Variants in SP100 observed in about 807,000 individuals in gnomAD.
The protein encoded by SP100 is SP100 nuclear body protein.
Under a neutral mutation model 130.0 loss-of-function variants are expected in SP100, and 84 were observed. The ratio of observed to expected loss-of-function variants is 0.65; its 90% CI spans 0.54 to 0.77. The LOEUF is 0.77. Among genes scored for constraint, SP100 ranks in the 30% least tolerant of loss-of-function variants. The pLI is 0.00. For synonymous variants in SP100, 331 were observed against 351.7 expected (o/e 0.94, Z 0.66); for missense variants, 978 against 1,052.2 (o/e 0.93, Z 0.97).
rs143422719 is a variant in SP100, at chr2:230,463,927, A to G, written c.1058-140A>G. On this transcript the variant is annotated intron_variant, in intron 10 of 28. Coordinates refer to ENST00000340126, the MANE Select transcript of SP100 (RefSeq NM_001080391.2). ...CACAATGAAGGTTAGTTGAAAGGCA[A>G]GACAAGCATGGCCTGTGTACAGGCG... 1.6e-3 allele frequency: 927 copies of G among 577,346 alleles called. 11 individuals are homozygous for G. The highest frequency in any genetic ancestry group is 0.015 in the African/African-American group (798 of 52,742). 35.8% of individuals were successfully genotyped at this position (577,346 alleles called of 1,614,324 possible).
chr2:230,527,001 T>A (rs2150103564), intron 24 of SP100, among the ~76,000 whole-genome samples: 1 of 152,248 alleles, frequency 6.6e-6, no homozygotes, highest in Non-Finnish European at 1.5e-5. Flanking sequence ...AAAACACTCT[T>A]CAGGATATTA....
chr2:230,452,729 TTTA>T (rs774781155), intron 8 of SP100, among the ~76,000 whole-genome samples: 21 of 152,216 alleles, frequency 1.4e-4, no homozygotes, highest in Admixed American at 3.9e-4. Context: ...TTTCAGAGAG[TTTA>T]TTGTTAGTGC....
chr2:230,508,164 C>T, intron 23 of SP100, 133 bp downstream of exon 23: 1 of 1,450,828 alleles, frequency 6.9e-7, no homozygotes, highest in Non-Finnish European at 9.2e-7. Flanking sequence ...TTTGCAGTTG[C>T]TGCTTTCAAA....
intron 23 of SP100, chr2:230,508,302 A>C (rs1690277236): frequency 8.7e-6 from 3 of 345,888 alleles, no homozygotes; most frequent in Non-Finnish European, 1.5e-5. Context: ...AAAGGAGCTA[A>C]ATGCCATACT....
At chr2:230,541,177 T>G in intron 26 of SP100, 124 bp from the exon 27 acceptor site, 5 of 1,210,760 alleles carry the variant, frequency 4.1e-6, no homozygotes, top group Non-Finnish European at 5.9e-6. Context: ...CCAAAGAAAC[T>G]CCCCATGCCA....
chr2:230,492,690 C>T (rs2066453008), intron 17 of SP100, among the ~76,000 whole-genome samples: 1 of 152,168 alleles, frequency 6.6e-6, no homozygotes, highest in Non-Finnish European at 1.5e-5. Flanking sequence ...CTACTGCTCA[C>T]TTTTATTTTT....
At chr2:230,497,433 G>A (rs1303148109) in intron 18 of SP100, among the ~76,000 whole-genome samples, 1 of 138,898 alleles carries the variant, frequency 7.2e-6, no homozygotes, top group Non-Finnish European at 1.6e-5. Context: ...GGGAAGGAGG[G>A]AAGGATGAAG....
intron 2 of SP100, among the ~76,000 whole-genome samples, chr2:230,419,422 C>T (rs1007021277): frequency 6.6e-6 from 1 of 152,124 alleles, no homozygotes; most frequent in Non-Finnish European, 1.5e-5. Context: ...GTGATCAGAT[C>T]GACTGTCCTG....
At chr2:230,505,165 G>A (rs1468766890) in intron 21 of SP100, among the ~76,000 whole-genome samples, 1 of 151,990 alleles carries the variant, frequency 6.6e-6, no homozygotes, top group East Asian at 1.9e-4. Flanking sequence ...AAAGTCTCAG[G>A]CCCACTCTGT....
At chr2:230,508,745 G>A (rs534121145) in intron 23 of SP100, 8 of 152,142 alleles carry the variant, frequency 5.3e-5, no homozygotes, top group African/African-American at 1.9e-4. Context: ...GGTTTTTCTG[G>A]ATTCTATATT....
intron 19 of SP100, among the ~76,000 whole-genome samples, chr2:230,501,583 GGAAACAT>G (rs2067026687): frequency 6.6e-6 from 1 of 152,170 alleles, no homozygotes; most frequent in Admixed American, 6.5e-5. Context: ...CTAGATTGAA[GGAAACAT>G]GCCTTTCCAG....
chr2:230,502,737 G>A (rs571906823), intron 19 of SP100, among the ~76,000 whole-genome samples: 3 of 152,132 alleles, frequency 2.0e-5, no homozygotes, highest in Non-Finnish European at 2.9e-5. Context: ...GGCTGTAACC[G>A]AGTCTAGATC....
chr2:230,469,155 A>G (rs533862856), intron 14 of SP100, 59 bp downstream of exon 14: 7 of 1,066,762 alleles, frequency 6.6e-6, no homozygotes, highest in African/African-American at 1.6e-5. Context: ...CAAAAGCTAC[A>G]TTCACTTTTT....
intron 24 of SP100, among the ~76,000 whole-genome samples, chr2:230,513,046 G>A (rs1011507561): frequency 6.6e-6 from 1 of 152,238 alleles, no homozygotes. Flanking sequence ...TGTAAATACA[G>A]ATGAAGTTTC....
chr2:230,539,470 T>C, intron 25 of SP100, 88 bp downstream of exon 25: 3 of 844,762 alleles, frequency 3.6e-6, no homozygotes, highest in Non-Finnish European at 6.0e-6. Context: ...AGAGTTTCTG[T>C]ACCTGGTTAT....
intron 18 of SP100, among the ~76,000 whole-genome samples, chr2:230,496,582 T>G (rs1248955436): frequency 2.0e-5 from 3 of 152,174 alleles, no homozygotes; most frequent in African/African-American, 7.2e-5. Context: ...TAGCAAAAAC[T>G]GCAATTACTT....
At chr2:230,496,658 T>A (rs2066682642) in intron 18 of SP100, among the ~76,000 whole-genome samples, 1 of 152,222 alleles carries the variant, frequency 6.6e-6, no homozygotes, top group Non-Finnish European at 1.5e-5. Context: ...TATTCATTTG[T>A]GAGTTCTTCA....
At chr2:230,502,826 G>A (rs186115625) in intron 19 of SP100, among the ~76,000 whole-genome samples, 7 of 152,244 alleles carry the variant, frequency 4.6e-5, no homozygotes, top group East Asian at 3.9e-4. Flanking sequence ...CACAGTCACC[G>A]TCGCATCCTT....
chr2:230,425,647 T>G (rs1476258967), intron 2 of SP100, among the ~76,000 whole-genome samples: 1 of 152,180 alleles, frequency 6.6e-6, no homozygotes, highest in Admixed American at 6.5e-5. Context: ...ACTGTTGAAT[T>G]TGGTTTGGTT....
Sources: allele counts gnomAD v4.1 joint callset (sites outside exome capture counted in the v4.1 genomes callset), GRCh38; gene constraint gnomAD v4.1.1; transcripts MANE v1.5; gene names NCBI Gene and HGNC (gene_info 2026-07-23, HGNC 2026-07-21).